The following UNC13C variants were observed in gnomAD, a reference collection of about 807,000 sequenced individuals.
UNC13C encodes protein unc-13 homolog C.
A neutral mutation model predicts 245.4 loss-of-function variants in UNC13C; 174 were observed. That is an observed-to-expected ratio of 0.71 (90% CI 0.63 to 0.80). The LOEUF is 0.80. Among genes scored for constraint, UNC13C ranks in the 30% least tolerant of loss-of-function variants. The pLI is 0.00. For missense variants in UNC13C, 2,829 were observed against 2,602.9 expected, an observed-to-expected ratio of 1.09 and a Z score of -1.89; for synonymous variants, 992 against 895.1, an observed-to-expected ratio of 1.11 and a Z score of -1.93.
chr15:54,211,178 A>G (rs1358540622), intron 4 of UNC13C, among the ~76,000 whole-genome samples: 1 of 152,122 alleles, frequency 6.6e-6, no homozygotes, highest in Admixed American at 6.6e-5. Context: ...TAAATTACGC[A>G]GCTATTTATG....
intron 4 of UNC13C, among the ~76,000 whole-genome samples, chr15:54,203,539 T>A (rs1175186807): frequency 6.9e-6 from 1 of 145,716 alleles, no homozygotes; most frequent in African/African-American, 2.5e-5. Flanking sequence ...TATATATATA[T>A]ACACCTATAT....
chr15:54,569,800 AT>A (rs1342495324), intron 30 of UNC13C, among the ~76,000 whole-genome samples: 1 of 150,706 alleles, frequency 6.6e-6, no homozygotes, highest in African/African-American at 2.4e-5. Context: ...TGAGTATTCA[AT>A]TTTTTTTTCA....
At chr15:54,081,453 G>C (rs1260576103) in intron 2 of UNC13C, among the ~76,000 whole-genome samples, 3 of 151,962 alleles carry the variant, frequency 2.0e-5, no homozygotes, top group African/African-American at 7.2e-5. Flanking sequence ...GTATTTGTTT[G>C]TGAATCTTGG....
chr15:54,364,966 G>A (rs369606779), intron 17 of UNC13C, among the ~76,000 whole-genome samples: 148 of 152,146 alleles, frequency 9.7e-4, no homozygotes, highest in Non-Finnish European at 1.6e-3. Context: ...TTACACTAGC[G>A]CTATGTCTAT....
chr15:54,313,215 A>G (rs2037920591), intron 13 of UNC13C, among the ~76,000 whole-genome samples: 1 of 151,846 alleles, frequency 6.6e-6, no homozygotes, highest in Admixed American at 6.6e-5. Context: ...CAAAGTAGCC[A>G]TTGTTATTAC....
At chr15:54,285,061 A>G (rs1033606593) in intron 10 of UNC13C, among the ~76,000 whole-genome samples, 3 of 152,144 alleles carry the variant, frequency 2.0e-5, no homozygotes, top group Non-Finnish European at 2.9e-5. Flanking sequence ...TTAAAACATA[A>G]GTGCTTTCTT....
intron 22 of UNC13C, among the ~76,000 whole-genome samples, chr15:54,505,922 A>G (rs114036658): frequency 0.012 from 1,784 of 152,194 alleles, 36 homozygotes; most frequent in African/African-American, 0.041. Flanking sequence ...TCAAGGGACT[A>G]AGGTTTTCCT....
At position 54,241,408 on chromosome 15, in the gene UNC13C, GACTTCA is replaced by G. The variant is rs796170893; in HGVS notation, c.3228+3727_3228+3732del. Among the ~76,000 whole-genome samples, 23 of 152,256 alleles carry G rather than the reference GACTTCA, an allele frequency of 1.5e-4. 1 individual carries two copies. Among genetic ancestry groups the G allele is most frequent in the African/African-American group, 5.5e-4 (23 of 41,554 alleles). On this transcript the variant is annotated intron_variant, in intron 7 of 32. Coordinates refer to ENST00000260323, the MANE Select transcript of UNC13C (RefSeq NM_001080534.3). Reference sequence around the variant, plus strand: ...AAAACTGCTCAGAACACCTCTCTGAGACTTCAACTTCAACCAGAGCTGTAGGCTTAC... The same window carrying G: ...AAAACTGCTCAGAACACCTCTCTGAGACTTCAACCAGAGCTGTAGGCTTAC...
chr15:54,629,928 G>T (rs570386394), downstream of UNC13C: 1 of 152,266 alleles, frequency 6.6e-6, no homozygotes, highest in Admixed American at 6.5e-5. Flanking sequence ...ATTTTGAAAT[G>T]ATTATAAATT....
At chr15:54,085,710 G>T (rs1209105348) in intron 2 of UNC13C, among the ~76,000 whole-genome samples, 2 of 152,082 alleles carry the variant, frequency 1.3e-5, no homozygotes, top group African/African-American at 2.4e-5. Context: ...GCCTCCCAAA[G>T]TGCCTTTTAA....
chr15:54,315,642 A>G (rs2037988778), intron 13 of UNC13C, among the ~76,000 whole-genome samples: 1 of 151,562 alleles, frequency 6.6e-6, no homozygotes, highest in Admixed American at 6.6e-5. Flanking sequence ...TCCCAAATCT[A>G]GGTGTTTAGT....
At chr15:54,124,461 C>A (rs2030895703) in intron 2 of UNC13C, among the ~76,000 whole-genome samples, 1 of 152,174 alleles carries the variant, frequency 6.6e-6, no homozygotes, top group Non-Finnish European at 1.5e-5. Flanking sequence ...CTGTCTGTAT[C>A]TTTTGCCAGT....
At chr15:54,454,376 A>G (rs147382728) in intron 19 of UNC13C, among the ~76,000 whole-genome samples, 1 of 152,180 alleles carries the variant, frequency 6.6e-6, no homozygotes, top group African/African-American at 2.4e-5. Context: ...CAGGAGTTCG[A>G]GACCAGCCTA....
At chr15:54,482,214 G>A (rs918402461) in intron 19 of UNC13C, among the ~76,000 whole-genome samples, 2 of 152,108 alleles carry the variant, frequency 1.3e-5, no homozygotes, top group Non-Finnish European at 2.9e-5. Context: ...AGGACATAGG[G>A]GGATGTCAGC....
intron 8 of UNC13C, 74 bp downstream of exon 8, chr15:54,250,518 T>TC: frequency 7.3e-7 from 1 of 1,374,310 alleles, no homozygotes; most frequent in South Asian, 1.5e-5. Flanking sequence ...TTAGATCACT[T>TC]CAACTCTTGC....
At chr15:54,589,750 C>G (rs1898686334) in intron 30 of UNC13C, among the ~76,000 whole-genome samples, 2 of 152,034 alleles carry the variant, frequency 1.3e-5, no homozygotes, top group Non-Finnish European at 2.9e-5. Flanking sequence ...TTCTCCCACT[C>G]TGTGGATTGA....
At chr15:54,097,648 GA>G (rs1203446506) in intron 2 of UNC13C, among the ~76,000 whole-genome samples, 3 of 152,162 alleles carry the variant, frequency 2.0e-5, no homozygotes, top group Non-Finnish European at 4.4e-5. Flanking sequence ...AGTGGATCCA[GA>G]AGGAGTTGTG....
chr15:54,217,721 G>A (rs756662742), intron 4 of UNC13C, among the ~76,000 whole-genome samples: 45 of 151,730 alleles, frequency 3.0e-4, no homozygotes, highest in South Asian at 2.7e-3. Context: ...TTCATTTTCC[G>A]CAGTAGATAG....
chr15:54,210,477 T>TA (rs1345056588), intron 4 of UNC13C, among the ~76,000 whole-genome samples: 1 of 152,010 alleles, frequency 6.6e-6, no homozygotes, highest in African/African-American at 2.4e-5. Flanking sequence ...GCATTTATTA[T>TA]AAAAATCTCT....
Sources: allele counts gnomAD v4.1 joint callset (sites outside exome capture counted in the v4.1 genomes callset), GRCh38; gene constraint gnomAD v4.1.1; transcripts MANE v1.5; gene names NCBI Gene and HGNC (gene_info 2026-07-23, HGNC 2026-07-21).